Variants in ATF6 observed in about 807,000 individuals in gnomAD.
ATF6 encodes activating transcription factor 6.
Under a neutral mutation model 83.6 loss-of-function variants are expected in ATF6, and 53 were observed. That is an observed-to-expected ratio of 0.63 (90% CI 0.51 to 0.80). ATF6 has a LOEUF of 0.80. Ranked by LOEUF, ATF6 falls within the 30% of genes least tolerant of loss-of-function variation. ATF6 has a pLI of 0.00. For missense variants in ATF6, 744 were observed against 797.9 expected (o/e 0.93, Z 0.81); for synonymous variants, 288 against 285.8 (o/e 1.01, Z -0.08).
chr1:161,876,724 A>G (rs1375534562), intron 14 of ATF6, among the ~76,000 whole-genome samples: 2 of 152,024 alleles, frequency 1.3e-5, no homozygotes, highest in East Asian at 1.9e-4. Flanking sequence ...GTCATTTTTT[A>G]TTAACAATTT....
intron 9 of ATF6, among the ~76,000 whole-genome samples, chr1:161,829,931 A>G (rs1202288953): frequency 6.6e-6 from 1 of 152,094 alleles, no homozygotes; most frequent in Admixed American, 6.5e-5. Context: ...CCTATTCAAC[A>G]TAGTGTTGGA....
chr1:161,781,653 A>C (rs1684637109), intron 2 of ATF6, among the ~76,000 whole-genome samples: 1 of 152,228 alleles, frequency 6.6e-6, no homozygotes, highest in Non-Finnish European at 1.5e-5. Flanking sequence ...ATAGAAAATA[A>C]TGAAGCCAAC....
chr1:161,814,589 GCTT>G (rs1434795324), intron 7 of ATF6, among the ~76,000 whole-genome samples: 21 of 152,304 alleles, frequency 1.4e-4, no homozygotes, highest in Non-Finnish European at 2.8e-4. Context: ...CCAGTATGAA[GCTT>G]CTTTAATTTT....
At chr1:161,829,690 C>G (rs1049681256) in intron 9 of ATF6, among the ~76,000 whole-genome samples, 3 of 152,006 alleles carry the variant, frequency 2.0e-5, no homozygotes, top group African/African-American at 7.2e-5. Context: ...ATAAACAGAA[C>G]CAAAGACAAA....
intron 15 of ATF6, among the ~76,000 whole-genome samples, chr1:161,956,082 C>CT (rs1434168967): frequency 2.0e-5 from 3 of 151,922 alleles, no homozygotes; most frequent in Non-Finnish European, 4.4e-5. Context: ...TTTAAAAAAC[C>CT]GCAGTTATCA....
intron 7 of ATF6, among the ~76,000 whole-genome samples, chr1:161,809,027 ATATC>A (rs542338205): frequency 2.0e-5 from 3 of 152,202 alleles, no homozygotes; most frequent in Admixed American, 6.5e-5. Context: ...ATATACAAAT[ATATC>A]TATGGGAGAA....
chr1:161,937,878 T>C (rs1688569891), intron 15 of ATF6, among the ~76,000 whole-genome samples: 1 of 108,682 alleles, frequency 9.2e-6, no homozygotes, highest in African/African-American at 2.9e-5. Context: ...ATCCCAGAAC[T>C]GAAAAGATAA....
chr1:161,937,568 T>C (rs559735460), intron 15 of ATF6, among the ~76,000 whole-genome samples: 17 of 152,034 alleles, frequency 1.1e-4, no homozygotes, highest in African/African-American at 4.1e-4. Flanking sequence ...ACTGCTCTTA[T>C]AAAAAGACAA....
At chr1:161,854,409 G>A (rs923290110) in intron 12 of ATF6, among the ~76,000 whole-genome samples, 2 of 152,144 alleles carry the variant, frequency 1.3e-5, no homozygotes, top group African/African-American at 4.8e-5. Context: ...TAAGAATCAG[G>A]CCTGGCTTTT....
At chr1:161,914,180 G>C (rs1020919946) in intron 15 of ATF6, among the ~76,000 whole-genome samples, 1 of 152,116 alleles carries the variant, frequency 6.6e-6, no homozygotes, top group Non-Finnish European at 1.5e-5. Context: ...CGTGTTTCAA[G>C]TACCATGCTA....
intron 10 of ATF6, among the ~76,000 whole-genome samples, chr1:161,850,429 C>T (rs1686593496): frequency 6.6e-6 from 1 of 152,096 alleles, no homozygotes; most frequent in African/African-American, 2.4e-5. Flanking sequence ...TCATTTAGGC[C>T]TTGATGTAAC....
At chr1:161,816,412 A>G (rs1685614457) in intron 7 of ATF6, among the ~76,000 whole-genome samples, 1 of 152,220 alleles carries the variant, frequency 6.6e-6, no homozygotes, top group South Asian at 2.1e-4. Context: ...AGACAGGCAC[A>G]TAATTAAAGT....
intron 9 of ATF6, among the ~76,000 whole-genome samples, chr1:161,839,442 G>A (rs1686302183): frequency 6.6e-6 from 1 of 152,028 alleles, no homozygotes; most frequent in African/African-American, 2.4e-5. Context: ...GGCTCACTCA[G>A]CCTTGACCTC....
chr1:161,800,629 T>TA (rs567283840), intron 6 of ATF6, among the ~76,000 whole-genome samples: 3 of 152,218 alleles, frequency 2.0e-5, no homozygotes, highest in South Asian at 2.1e-4. Flanking sequence ...CAGTGTCAGC[T>TA]ACTACACAAC....
rs1009552754 is a variant in ATF6 at position 161,784,093 on chromosome 1, T to A, written c.351T>A (p.Val117=). The A allele has an allele frequency of 6.2e-7, 1 of 1,603,856 alleles. No homozygotes were observed. The highest frequency in any genetic ancestry group is 8.5e-7 in the Non-Finnish European group (1 of 1,171,368). The part of the protein sequence containing the change: ...SVDSYSSTQH[V]PEELDLSSSS... ...ACTCTTATTCTTCAACTCAGCATGT[T>A]CCTGTGAGTAGCCAGTCTTTTACAA... Residue 117 remains valine, a synonymous_variant, in exon 4 of 16, where the codon GTT becomes GTA. Transcript: ENST00000367942.
intron 10 of ATF6, among the ~76,000 whole-genome samples, chr1:161,848,669 C>T (rs1363020687): frequency 6.6e-6 from 1 of 151,940 alleles, no homozygotes; most frequent in Non-Finnish European, 1.5e-5. Flanking sequence ...GGATGGTCAC[C>T]CTATATAAGA....
In ATF6 at chr1:161,884,896, G is replaced by A. The variant is rs754476395; in HGVS notation, c.1719+21584G>A. On this transcript the variant is annotated intron_variant, in intron 14 of 15. Coordinates refer to ENST00000367942, the MANE Select transcript of ATF6 (RefSeq NM_007348.4). ...TTGCTTTTGACTGTTTGTTGCTGGC[G>A]AAAATTATTTAAAGTAATTAGGAAC... is the stretch of plus-strand genomic sequence containing the variant. Among the ~76,000 whole-genome samples, 9 of 152,152 alleles carry A rather than the reference G, an allele frequency of 5.9e-5. No homozygotes were observed. The South Asian group carries it at 6.2e-4, about 11-fold the overall frequency.
intron 14 of ATF6, chr1:161,891,585 C>G (rs999187602): frequency 3.9e-5 from 6 of 152,076 alleles, no homozygotes; most frequent in Non-Finnish European, 8.8e-5. Context: ...CCTGCTGCAC[C>G]TACGGAACGA....
chr1:161,803,483 A>G (rs975782799), intron 7 of ATF6, among the ~76,000 whole-genome samples: 3 of 152,220 alleles, frequency 2.0e-5, no homozygotes, highest in Admixed American at 6.5e-5. Flanking sequence ...TTTGAGGACT[A>G]GAAGAGGTAA....
Sources: gnomAD v4.1 joint callset for allele counts (sites outside exome capture counted in the v4.1 genomes callset) on GRCh38, gnomAD v4.1.1 for gene constraint, MANE v1.5 for transcripts, NCBI Gene and HGNC (gene_info 2026-07-23, HGNC 2026-07-21) for gene names.